ASTE1: variants seen among roughly 807,000 people sequenced by gnomAD.
ASTE1 encodes the protein asteroid structure-specific endonuclease 1.
In ASTE1, 49 loss-of-function variants were observed where a neutral mutation model predicts 45.8. The observed-to-expected ratio is 1.07, with a 90% CI of 0.85 to 1.36. The LOEUF is 1.36. Ranked by LOEUF, ASTE1 falls within the 40% of genes most tolerant of loss-of-function variation. The pLI is 0.00. For synonymous variants in ASTE1, 296 were observed against 303.9 expected (o/e 0.97, Z 0.27); for missense variants, 709 against 804.0 (o/e 0.88, Z 1.43).
chr3:131,020,384 C>T (rs868524675), intron 3 of ASTE1, among the ~76,000 whole-genome samples: 4 of 152,328 alleles, frequency 2.6e-5, no homozygotes, highest in African/African-American at 9.6e-5. Context: ...GAAGCAGCTG[C>T]CCCGAGAGGC....
At position 131,024,002 on chromosome 3, in the gene ASTE1, T is replaced by C; in HGVS notation, c.1302+3A>G. ...AAATTTCATTAGTATTACAAATACT[T>C]ACCTCAGTCAATCTGCTTAAGTCAG... On this transcript the variant is annotated splice_donor_region_variant and intron_variant, in intron 3 of 5. Coordinates refer to ENST00000264992, the MANE Select transcript of ASTE1 (RefSeq NM_014065.4). The C allele has an allele frequency of 6.3e-7, 1 of 1,579,132 alleles. No homozygotes were observed. The highest frequency in any genetic ancestry group is 8.6e-7 in the Non-Finnish European group (1 of 1,161,486).
intron 3 of ASTE1, among the ~76,000 whole-genome samples, chr3:131,022,303 A>G (rs944901327): frequency 6.6e-6 from 1 of 152,146 alleles, no homozygotes; most frequent in African/African-American, 2.4e-5. Context: ...TATAATTCAT[A>G]TGTCATAAAA....
Position 131,014,354 on chromosome 3 carries a change from G to T in ASTE1, c.1743C>A (p.Cys581Ter), listed in dbSNP as rs766593932. 1 of 1,608,896 alleles carries T rather than the reference G, an allele frequency of 6.2e-7. No homozygotes were observed. The highest frequency in any genetic ancestry group is 8.5e-7 in the Non-Finnish European group (1 of 1,178,234). ...CAGAGGTCGATGCTAGCAGTTGCTG[G>T]CATAGTCCGTGCACCAGGCTTCCAC... ...LYSGSLVHGLCQQLLASTSVE... is the reference protein window; with the variant it reads ...LYSGSLVHGL Residue 581 changes from cysteine to a stop codon, truncating the protein, a stop_gained, in exon 6 of 6, where the codon TGC (cysteine) becomes TGA (stop). Transcript: ENST00000264992. LOFTEE classifies it low-confidence loss of function (END_TRUNC).
chr3:131,024,535 C>A lies in ASTE1; in HGVS notation c.772G>T (p.Gly258Ter), dbSNP rs376973096. ...SKGRRHHRILGLLNWLSHFAN... is the reference protein window; with the variant it reads ...SKGRRHHRIL ...AAATGAGACAACCAATTCAGAAGTC[C>A]CAGGATTCGGTGGTGTCTCCTCCCT... is the stretch of plus-strand genomic sequence containing the variant. The change falls in exon 3 of 6, where the codon GGA (glycine) becomes TGA (stop). Residue 258 changes from glycine to a stop codon, truncating the protein, a stop_gained. Coordinates refer to ENST00000264992, the MANE Select transcript of ASTE1 (RefSeq NM_014065.4). LOFTEE classifies it high-confidence loss of function. 8 of 1,613,906 alleles carry A rather than the reference C, an allele frequency of 5.0e-6. No homozygotes were observed. Among genetic ancestry groups the A allele is most frequent in the Non-Finnish European group, 6.8e-6 (8 of 1,180,010 alleles).
Position 131,014,668 on chromosome 3 carries a change from T to TAACA in ASTE1, c.1710-285_1710-282dup, listed in dbSNP as rs1398741579. On this transcript the variant is annotated intron_variant, in intron 5 of 5. Coordinates refer to ENST00000264992, the MANE Select transcript of ASTE1 (RefSeq NM_014065.4). ...TAGCCCCAGACTGAGCAGGTGTCTT[T>TAACA]AACAAACACTTTAATTTTAAAGAAA... Among the ~76,000 whole-genome samples, 9 of 152,350 alleles carry TAACA rather than the reference T, an allele frequency of 5.9e-5. No homozygotes were observed. The East Asian group carries it at 1.2e-3, about 20-fold the overall frequency.
chr3:131,019,649 G>C (rs2063716111), intron 3 of ASTE1, among the ~76,000 whole-genome samples: 1 of 152,170 alleles, frequency 6.6e-6, no homozygotes. Context: ...TGTATTCCTA[G>C]TGTCTGCACA....
intron 3 of ASTE1, among the ~76,000 whole-genome samples, chr3:131,019,994 T>C (rs2109091155): frequency 6.6e-6 from 1 of 152,312 alleles, no homozygotes; most frequent in Admixed American, 6.5e-5. Flanking sequence ...ACTCTTAAAC[T>C]GGTTTTTAAA....
At chr3:131,025,882 C>A (rs556427240) in intron 1 of ASTE1, among the ~76,000 whole-genome samples, 12 of 152,302 alleles carry the variant, frequency 7.9e-5, no homozygotes, top group South Asian at 4.1e-4. Context: ...TTTGTGGGCC[C>A]TTCTTAATTG....
rs764733984 is a variant in ASTE1, at chr3:131,024,746, C to T, written c.561G>A (p.Lys187=). The T allele has an allele frequency of 2.8e-5, 45 of 1,613,124 alleles. No homozygotes were observed. The highest frequency in any genetic ancestry group is 3.6e-5 in the Non-Finnish European group (43 of 1,179,488). Residue 187 remains lysine, a synonymous_variant, in exon 3 of 6, where the codon AAG becomes AAA. Transcript: ENST00000264992. ...TGGCAGGGATATAGTTTTGTGTGCC[C>T]TTAATAGTGTTCATATTTCTCCACT... ...SFQWRNMNTI[K]GTQNYIPAKC...
intron 5 of ASTE1, 138 bp downstream of exon 5, chr3:131,016,006 A>G (rs1417506646): frequency 9.0e-7 from 1 of 1,115,284 alleles, no homozygotes; most frequent in Non-Finnish European, 1.3e-6. Context: ...CAGTGACTCA[A>G]AATCAATTAC....
At position 131,016,450 on chromosome 3, in the gene ASTE1, C is replaced by A; in HGVS notation, c.1514-111G>T. 2.4e-6 allele frequency: 3 copies of A among 1,248,348 alleles called. No homozygotes were observed. In the South Asian group the frequency reaches 4.1e-5, roughly 17 times the overall value. 77.3% of individuals were successfully genotyped at this position (1,248,348 alleles called of 1,614,324 possible). Reference sequence around the variant, plus strand: ...AAAGAAAGAAATTAATTTAAAAAAACTAAGATGTTTTTCTCTTCTGGCTTC... The same window carrying A: ...AAAGAAAGAAATTAATTTAAAAAAAATAAGATGTTTTTCTCTTCTGGCTTC... On this transcript the variant is annotated intron_variant, in intron 4 of 5. Coordinates refer to ENST00000264992, the MANE Select transcript of ASTE1 (RefSeq NM_014065.4).
rs1203428463 is a variant in ASTE1, at chr3:131,023,931, A to G, written c.1302+74T>C. 36 of 1,415,978 alleles carry G rather than the reference A, an allele frequency of 2.5e-5. 1 individual carries two copies. Among genetic ancestry groups the G allele is most frequent in the Non-Finnish European group, 3.2e-5 (34 of 1,055,488 alleles). The allele number at this position is 1,415,978 out of a possible 1,614,324, so 87.7% of individuals were successfully genotyped here. On this transcript the variant is annotated intron_variant, in intron 3 of 5. Transcript: ENST00000264992. ...CTCATCAGTTTGTTATAGTAAGTGA[A>G]CTAATATAGAAGACAGCACTTTGTA...
At chr3:131,016,107 T>C in intron 5 of ASTE1, 37 bp downstream of exon 5, 1 of 1,607,460 alleles carries the variant, frequency 6.2e-7, no homozygotes, top group Non-Finnish European at 8.5e-7. Context: ...TACTTTTGTG[T>C]GCTTCCATCT....
chr3:131,024,829 C>G lies in ASTE1; in HGVS notation c.478G>C (p.Asp160His). ...AGGTCAAAAATGCAAAAGTCACTAT[C>G]TGATGATAACACAGGGCAATTCCAA... ...NHWNCPVLSS[D>H]SDFCIFDLKT... The change falls in exon 3 of 6, where the codon GAT becomes CAT. Residue 160 changes from aspartate to histidine, a missense_variant. Transcript: ENST00000264992. 1.9e-6 allele frequency: 3 copies of G among 1,614,194 alleles called. No homozygotes were observed. The highest frequency in any genetic ancestry group is 2.5e-6 in the Non-Finnish European group (3 of 1,180,046).
intron 3 of ASTE1, among the ~76,000 whole-genome samples, chr3:131,020,120 T>A (rs1405730258): frequency 1.3e-5 from 2 of 152,186 alleles, no homozygotes; most frequent in Admixed American, 6.5e-5. Context: ...GGCTTTGACT[T>A]CAGAGATGTT....
At chr3:131,016,636 A>G in intron 4 of ASTE1, 1 of 410,296 alleles carries the variant, frequency 2.4e-6, no homozygotes, top group East Asian at 5.2e-5. Flanking sequence ...TGAATTCTCT[A>G]AACCCTAAAT....
Position 131,014,218 on chromosome 3 carries a change from T to G in ASTE1, c.1879A>C (p.Asn627His). 1 of 1,614,072 alleles carries G rather than the reference T, an allele frequency of 6.2e-7. No homozygotes were observed. Residue 627 changes from asparagine (N) to histidine (H), a missense_variant, in exon 6 of 6, where the codon AAT (asparagine) becomes CAT (histidine). Transcript: ENST00000264992. ...TTCTTCTGCCTTTTTTTTTTTGAAT[T>G]TGATCTACCTTTTGGTAGGAATATT... The part of the protein sequence containing the change: ...AEIFLPKGRS[N>H]SKKKRQKKQN...
chr3:131,022,154 A>T (rs2063750584), intron 3 of ASTE1, among the ~76,000 whole-genome samples: 2 of 152,204 alleles, frequency 1.3e-5, no homozygotes, highest in Admixed American at 1.3e-4. Context: ...GGCTTCCCTG[A>T]GTGCAGTGTC....
At chr3:131,020,425 T>C (rs553710234) in intron 3 of ASTE1, among the ~76,000 whole-genome samples, 4 of 152,336 alleles carry the variant, frequency 2.6e-5, no homozygotes, top group Admixed American at 1.3e-4. Context: ...TGGTCTTGGC[T>C]GCCTTACTCC....
Sources: gnomAD v4.1 joint callset for allele counts (sites outside exome capture counted in the v4.1 genomes callset) on GRCh38, gnomAD v4.1.1 for gene constraint, MANE v1.5 for transcripts, NCBI Gene and HGNC (gene_info 2026-07-23, HGNC 2026-07-21) for gene names.